The following DLG2 variants were observed in gnomAD, a reference collection of about 807,000 sequenced individuals.
DLG2 encodes the protein discs large MAGUK scaffold protein 2.
In DLG2, 45 loss-of-function variants were observed where a neutral mutation model predicts 132.5. That is an observed-to-expected ratio of 0.34 (90% confidence interval 0.27 to 0.44). DLG2 has a LOEUF of 0.44. DLG2 is among the 20% of genes least tolerant of loss of function. DLG2 has a pLI of 1.00. For missense variants in DLG2, 1,045 were observed against 1,196.9 expected (o/e 0.87, Z 1.87); for synonymous variants, 424 against 419.6 (o/e 1.01, Z -0.13).
intron 7 of DLG2, among the ~76,000 whole-genome samples, chr11:84,299,657 G>A (rs1433457724): frequency 6.6e-6 from 1 of 152,172 alleles, no homozygotes. Flanking sequence ...GGATCTTAAA[G>A]TCAATTGTTA....
At chr11:83,913,073 T>C (rs1416516285) in intron 15 of DLG2, among the ~76,000 whole-genome samples, 1 of 152,138 alleles carries the variant, frequency 6.6e-6, no homozygotes, top group Non-Finnish European at 1.5e-5. Context: ...AATCTGTGTG[T>C]TTGTGTGTGT....
chr11:85,494,766 A>T (rs1431662373), intron 3 of DLG2, among the ~76,000 whole-genome samples: 1 of 152,104 alleles, frequency 6.6e-6, no homozygotes, highest in East Asian at 1.9e-4. Flanking sequence ...TTAAGACGAA[A>T]TATGAAAGAA....
intron 6 of DLG2, among the ~76,000 whole-genome samples, chr11:84,803,078 C>T (rs2075608591): frequency 6.6e-6 from 1 of 152,212 alleles, no homozygotes; most frequent in African/African-American, 2.4e-5. Context: ...TGTTTACTGG[C>T]ATAAGCCACA....
Position 83,629,376 on chromosome 11 carries a change from C to T in DLG2, c.1940+3835G>A, listed in dbSNP as rs150271394. Among the ~76,000 whole-genome samples, 104 of 152,246 alleles carry T rather than the reference C, an allele frequency of 6.8e-4. 2 individuals carry two copies. Among genetic ancestry groups the T allele is most frequent in the African/African-American group, 2.4e-3 (98 of 41,548 alleles). On this transcript the variant is annotated intron_variant, in intron 19 of 27. Coordinates refer to ENST00000376104, the MANE Select transcript of DLG2 (RefSeq NM_001142699.3). ...GGTTATTTGCTTGAACTCTGAAAAT[C>T]GATACGTTTTATTAACAAGTGAACA...
At chr11:83,507,600 G>GATATATAGATATATATAT (rs1455990112) in intron 21 of DLG2, among the ~76,000 whole-genome samples, 16 of 144,006 alleles carry the variant, frequency 1.1e-4, no homozygotes, top group African/African-American at 4.1e-4. Flanking sequence ...ATATCTATAG[G>GATATATAGATATATATAT]ATATATAGAT....
intron 6 of DLG2, among the ~76,000 whole-genome samples, chr11:84,901,434 A>G (rs1475521268): frequency 1.3e-5 from 2 of 152,102 alleles, no homozygotes; most frequent in African/African-American, 4.8e-5. Context: ...GTTGGTTTTG[A>G]GCCCTGATAC....
intron 11 of DLG2, among the ~76,000 whole-genome samples, chr11:84,037,639 T>C (rs2095904075): frequency 6.6e-6 from 1 of 152,114 alleles, no homozygotes; most frequent in African/African-American, 2.4e-5. Context: ...ACTCCCTGTC[T>C]TTAGCACATT....
intron 6 of DLG2, among the ~76,000 whole-genome samples, chr11:85,086,156 A>G (rs2067895375): frequency 6.6e-6 from 1 of 152,116 alleles, no homozygotes. Context: ...TGTTTTTTCC[A>G]TACTTGAGAT....
At chr11:85,602,103 C>T (rs2080204716) in intron 2 of DLG2, among the ~76,000 whole-genome samples, 1 of 152,164 alleles carries the variant, frequency 6.6e-6, no homozygotes, top group South Asian at 2.1e-4. Context: ...TCTTATCCAC[C>T]CACCCTCAGT....
chr11:83,931,746 C>T (rs1280574100), intron 14 of DLG2, among the ~76,000 whole-genome samples: 4 of 152,106 alleles, frequency 2.6e-5, no homozygotes, highest in East Asian at 1.9e-4. Context: ...ATAATATTAT[C>T]GTTTGATTCA....
At chr11:84,501,385 C>T (rs895758358) in intron 7 of DLG2, among the ~76,000 whole-genome samples, 38 of 152,026 alleles carry the variant, frequency 2.5e-4, no homozygotes, top group Admixed American at 2.0e-3. Flanking sequence ...GCCAACATGG[C>T]GAAAACCCGT....
intron 12 of DLG2, among the ~76,000 whole-genome samples, chr11:83,966,796 A>G (rs1022996966): frequency 6.6e-6 from 1 of 152,018 alleles, no homozygotes; most frequent in Non-Finnish European, 1.5e-5. Flanking sequence ...AATATAATAC[A>G]ATTTTATTAA....
At chr11:84,276,420 T>C (rs2097783690) in intron 7 of DLG2, among the ~76,000 whole-genome samples, 1 of 152,258 alleles carries the variant, frequency 6.6e-6, no homozygotes, top group Non-Finnish European at 1.5e-5. Context: ...CCTTATCAAA[T>C]ATTTAACTTA....
intron 8 of DLG2, among the ~76,000 whole-genome samples, chr11:84,202,518 G>A (rs897985353): frequency 6.6e-6 from 1 of 152,068 alleles, no homozygotes; most frequent in Non-Finnish European, 1.5e-5. Context: ...AAAAACCCTA[G>A]AAGAAAATCC....
chr11:84,452,774 C>G (rs1454749008), intron 7 of DLG2, among the ~76,000 whole-genome samples: 1 of 151,502 alleles, frequency 6.6e-6, no homozygotes, highest in African/African-American at 2.4e-5. Flanking sequence ...AAGTTAGGTT[C>G]TGACAACCTG....
intron 9 of DLG2, among the ~76,000 whole-genome samples, chr11:84,120,407 T>C (rs1049370129): frequency 6.6e-6 from 1 of 152,236 alleles, no homozygotes; most frequent in South Asian, 2.1e-4. Flanking sequence ...GGTTGAATTA[T>C]ATTAAAGGGG....
intron 18 of DLG2, among the ~76,000 whole-genome samples, chr11:83,784,899 T>A (rs1261001235): frequency 6.6e-6 from 1 of 152,180 alleles, no homozygotes; most frequent in Admixed American, 6.5e-5. Flanking sequence ...TATGTTGCAA[T>A]GTCAGGCGAT....
intron 6 of DLG2, among the ~76,000 whole-genome samples, chr11:84,703,868 A>ATATATATATATATATATG (rs2059474117): frequency 8.3e-6 from 1 of 120,608 alleles, no homozygotes; most frequent in African/African-American, 4.3e-5. Context: ...ATATATATAT[A>ATATATATATATATATATG]TATATATATA....
At chr11:84,263,896 G>T (rs1415419189) in intron 7 of DLG2, among the ~76,000 whole-genome samples, 1 of 152,120 alleles carries the variant, frequency 6.6e-6, no homozygotes, top group African/African-American at 2.4e-5. Flanking sequence ...GGGCCTGGAG[G>T]ATGTTCCAAG....
Sources: allele counts gnomAD v4.1 joint callset (sites outside exome capture counted in the v4.1 genomes callset), GRCh38; gene constraint gnomAD v4.1.1; transcripts MANE v1.5; gene names NCBI Gene and HGNC (gene_info 2026-07-23, HGNC 2026-07-21).